CENPO: variants seen among roughly 807,000 people sequenced by gnomAD.
CENPO encodes the protein centromere protein O.
Under a neutral mutation model 36.1 loss-of-function variants are expected in CENPO, and 30 were observed. The observed-to-expected ratio is 0.83, with a 90% confidence interval of 0.62 to 1.13. CENPO has a LOEUF of 1.13. Among genes scored for constraint, CENPO ranks in the 50% most tolerant of loss-of-function variants. CENPO has a pLI of 0.00. For missense variants in CENPO, 349 were observed against 357.8 expected, an observed-to-expected ratio of 0.98 and a Z score of 0.20; for synonymous variants, 171 against 142.3, an observed-to-expected ratio of 1.20 and a Z score of -1.44.
Position 24,793,952 on chromosome 2 carries a change from CGA to C in CENPO, c.35_36del (p.Glu12ValfsTer21). 1 of 1,613,804 alleles carries C rather than the reference CGA, an allele frequency of 6.2e-7. No individual in the cohort carries two copies. Among genetic ancestry groups the C allele is most frequent in the Non-Finnish European group, 8.5e-7 (1 of 1,179,700 alleles). ...AGGCGAACCCTTTACGTCCAGATGG[CGA>C]GTCCAAAGGAGGTATTCAGAGGGTC... ...EQANPLRPDG[E>X]SKGGVLAHLE... On this transcript the variant is annotated frameshift_variant, in exon 2 of 8. Transcript: ENST00000380834. LOFTEE classifies it high-confidence loss of function.
chr2:24,820,389 A>AACTGCC lies in CENPO; in HGVS notation c.*1078_*1083dup. On this transcript the variant is annotated 3_prime_UTR_variant, in exon 8 of 8. Transcript: ENST00000380834. ...CTGGGTGGCAGCACTGTTACCTGGA[A>AACTGCC]ACTGCCACTGCCTGCTCTTCTGTCC... The AACTGCC allele has an allele frequency of 1.1e-5, 15 of 1,310,424 alleles. No individual in the cohort carries two copies. The highest frequency in any genetic ancestry group is 1.5e-5 in the Non-Finnish European group (15 of 1,033,388). The allele number at this position is 1,310,424 out of a possible 1,614,324, so 81.2% of individuals were successfully genotyped here.
At chr2:24,793,648 GGGCCGCGGGAT>G (rs1482595612) in intron 1 of CENPO, 147 bp downstream of exon 1, 2 of 1,303,194 alleles carry the variant, frequency 1.5e-6, no homozygotes, top group African/African-American at 3.0e-5. Flanking sequence ...GAGCGCGCCG[GGGCCGCGGGAT>G]GGGCGCGGGG....
chr2:24,802,608 C>T (rs2148261955), intron 3 of CENPO, among the ~76,000 whole-genome samples: 1 of 152,226 alleles, frequency 6.6e-6, no homozygotes, highest in Non-Finnish European at 1.5e-5. Context: ...GTCTTTGGTT[C>T]TGTTTATATG....
chr2:24,794,654 C>T (rs2148723502), intron 2 of CENPO, among the ~76,000 whole-genome samples: 1 of 152,268 alleles, frequency 6.6e-6, no homozygotes, highest in African/African-American at 2.4e-5. Context: ...TTACTTAGTC[C>T]TTAGTCAATC....
chr2:24,811,799 T>C (rs1666704405), intron 3 of CENPO, among the ~76,000 whole-genome samples: 1 of 152,096 alleles, frequency 6.6e-6, no homozygotes, highest in African/African-American at 2.4e-5. Context: ...GGTTTCACCA[T>C]GTTGGCCAGT....
At chr2:24,815,815 G>C (rs1448442864) in intron 5 of CENPO, 59 bp downstream of exon 5, 2 of 1,515,462 alleles carry the variant, frequency 1.3e-6, no homozygotes, top group African/African-American at 1.4e-5. Context: ...TTAAAAGGGG[G>C]ATGTTTTTTG....
At position 24,821,411 on chromosome 2, in the gene CENPO, C is replaced by A. The variant is rs1486460398; in HGVS notation, c.*2093C>A. 5 of 1,497,234 alleles carry A rather than the reference C, an allele frequency of 3.3e-6. No individual in the cohort carries two copies. Among genetic ancestry groups the A allele is most frequent in the Non-Finnish European group, 4.5e-6 (5 of 1,108,478 alleles). 92.7% of individuals were successfully genotyped at this position (1,497,234 alleles called of 1,614,324 possible). ...CCTGTGAGTGCGTGAACCTCCCCAC[C>A]CGAATTGCCTCAGTTGTCCTGAGCC... On this transcript the variant is annotated 3_prime_UTR_variant, in exon 8 of 8. Transcript: ENST00000380834.
Position 24,819,941 on chromosome 2 carries a change from G to C in CENPO, c.*623G>C. The C allele has an allele frequency of 6.2e-7, 1 of 1,613,922 alleles. No individual in the cohort carries two copies. Among genetic ancestry groups the C allele is most frequent in the East Asian group, 2.2e-5 (1 of 44,856 alleles). ...GCAGGCTCGAGGCCATTCAGGAGTT[G>C]TCCACCACCTGGTGGGGCAGTGTGA... On this transcript the variant is annotated 3_prime_UTR_variant, in exon 8 of 8. Coordinates refer to ENST00000380834, the MANE Select transcript of CENPO (RefSeq NM_001322101.2).
At chr2:24,804,088 CTTCT>C (rs1558373109) in intron 3 of CENPO, among the ~76,000 whole-genome samples, 1 of 152,134 alleles carries the variant, frequency 6.6e-6, no homozygotes, top group Non-Finnish European at 1.5e-5. Context: ...ATGTAATGGT[CTTCT>C]TTGTCTCTTT....
intron 3 of CENPO, among the ~76,000 whole-genome samples, chr2:24,807,630 A>C (rs1297850678): frequency 6.6e-6 from 1 of 152,210 alleles, no homozygotes; most frequent in African/African-American, 2.4e-5. Context: ...TTTGATATAA[A>C]AATATACACT....
At chr2:24,794,279 A>G (rs1347211571) in intron 2 of CENPO, among the ~76,000 whole-genome samples, 1 of 152,168 alleles carries the variant, frequency 6.6e-6, no homozygotes, top group Non-Finnish European at 1.5e-5. Context: ...CCATGTATGC[A>G]TTACTCTTGA....
In CENPO at chr2:24,820,870, C is replaced by G. The variant is rs369108612; in HGVS notation, c.*1552C>G. 1 of 1,612,396 alleles carries G rather than the reference C, an allele frequency of 6.2e-7. No homozygotes were observed. The highest frequency in any genetic ancestry group is 8.5e-7 in the Non-Finnish European group (1 of 1,179,052). Reference sequence around the variant, plus strand: ...ATGCCTAGGGTAGAGGCATAAAGTTCAGCACAGCCACAGGCCACACCTTGT... The same window carrying G: ...ATGCCTAGGGTAGAGGCATAAAGTTGAGCACAGCCACAGGCCACACCTTGT... On this transcript the variant is annotated 3_prime_UTR_variant, in exon 8 of 8. Coordinates refer to ENST00000380834, the MANE Select transcript of CENPO (RefSeq NM_001322101.2).
intron 2 of CENPO, among the ~76,000 whole-genome samples, chr2:24,794,485 A>G (rs1383767900): frequency 6.6e-6 from 1 of 152,248 alleles, no homozygotes; most frequent in African/African-American, 2.4e-5. Flanking sequence ...GTGGAAAAGT[A>G]TTGAACTCAG....
At chr2:24,813,585 C>T (rs181746189) in intron 3 of CENPO, among the ~76,000 whole-genome samples, 2 of 152,258 alleles carry the variant, frequency 1.3e-5, no homozygotes, top group Admixed American at 1.3e-4. Flanking sequence ...ACCTGTGCAG[C>T]TTAGGAATTA....
intron 3 of CENPO, among the ~76,000 whole-genome samples, chr2:24,806,015 C>A (rs115104432): frequency 2.0e-5 from 3 of 152,206 alleles, no homozygotes; most frequent in Admixed American, 6.5e-5. Context: ...ATCCAAGCCT[C>A]GGCAAGGGCG....
rs776464071 is a variant in CENPO, at chr2:24,816,787, C to T, written c.736C>T (p.Leu246Phe). 2.5e-6 allele frequency: 4 copies of T among 1,606,464 alleles called. No individual in the cohort carries two copies. The Admixed American group carries it at 6.8e-5, about 27-fold the overall frequency. The change falls in exon 6 of 8, where the codon CTT (leucine) becomes TTT (phenylalanine). Residue 246 changes from leucine (L) to phenylalanine (F), a missense_variant. Coordinates refer to ENST00000380834, the MANE Select transcript of CENPO (RefSeq NM_001322101.2). ...RLLYKDLTAT[L>F]PTDVTVTCQG... ...GCTGTATAAGGACCTCACAGCAACT[C>T]TTCCCACTGACGTCACCGTGACATG...
chr2:24,797,620 T>A (rs1433519801), intron 2 of CENPO, among the ~76,000 whole-genome samples: 1 of 152,200 alleles, frequency 6.6e-6, no homozygotes. Flanking sequence ...AAAAACAGGT[T>A]GTCTGTTGTT....
At chr2:24,804,228 G>A (rs1035034768) in intron 3 of CENPO, among the ~76,000 whole-genome samples, 25 of 152,006 alleles carry the variant, frequency 1.6e-4, no homozygotes, top group Non-Finnish European at 3.1e-4. Context: ...GTGTGTCTCT[G>A]CACATGAGAT....
chr2:24,794,065 T>C lies in CENPO; in HGVS notation c.46+100T>C. 8 of 907,238 alleles carry C rather than the reference T, an allele frequency of 8.8e-6. No individual in the cohort carries two copies. The South Asian group carries it at 1.0e-4, about 12-fold the overall frequency. The allele number at this position is 907,238 out of a possible 1,614,324, so 56.2% of individuals were successfully genotyped here. A position where few individuals can be genotyped will look rare whatever the true frequency, so the allele number is the denominator to read the frequency against. On this transcript the variant is annotated intron_variant, in intron 2 of 7. Coordinates refer to ENST00000380834, the MANE Select transcript of CENPO (RefSeq NM_001322101.2). ...TGGAACTGACGTGGGACCTGGCCTG[T>C]TTGGGAGCAGAATAGTGAAAGGAAC...
Sources: allele counts gnomAD v4.1 joint callset (sites outside exome capture counted in the v4.1 genomes callset), GRCh38; gene constraint gnomAD v4.1.1; transcripts MANE v1.5; gene names NCBI Gene and HGNC (gene_info 2026-07-23, HGNC 2026-07-21).